Variants in SPIDR observed in about 807,000 individuals in gnomAD.
The protein encoded by SPIDR is scaffold protein involved in DNA repair.
Under a neutral mutation model 104.6 loss-of-function variants are expected in SPIDR, and 93 were observed. That is an observed-to-expected ratio of 0.89 (90% confidence interval 0.75 to 1.06). SPIDR has a LOEUF of 1.06. Among genes scored for constraint, SPIDR ranks in the 50% least tolerant of loss-of-function variants. The pLI is 0.00. For missense variants in SPIDR, 1,154 were observed against 1,111.2 expected (o/e 1.04, Z -0.55); for synonymous variants, 431 against 416.9 (o/e 1.03, Z -0.41).
chr8:47,598,881 CTTG>C, intron 9 of SPIDR, 62 bp from the exon 10 acceptor site: 1 of 1,597,838 alleles, frequency 6.3e-7, no homozygotes, highest in Non-Finnish European at 8.5e-7. Flanking sequence ...CAGCATGTTG[CTTG>C]TTGTTAGCCG....
chr8:47,670,215 C>T (rs913516986), intron 10 of SPIDR, among the ~76,000 whole-genome samples: 5 of 152,018 alleles, frequency 3.3e-5, no homozygotes, highest in African/African-American at 9.7e-5. Flanking sequence ...TTGGCCTGGA[C>T]TTCCCTATTT....
chr8:47,276,298 G>T (rs1318557696), intron 1 of SPIDR, among the ~76,000 whole-genome samples: 2 of 152,186 alleles, frequency 1.3e-5, no homozygotes, highest in African/African-American at 4.8e-5. Flanking sequence ...TATGACCAAA[G>T]AAAAGCAGTA....
At chr8:47,506,282 C>T (rs949249192) in intron 8 of SPIDR, among the ~76,000 whole-genome samples, 1 of 152,154 alleles carries the variant, frequency 6.6e-6, no homozygotes, top group African/African-American at 2.4e-5. Flanking sequence ...AACATAAACC[C>T]CCCTTACATT....
At chr8:47,719,008 G>A (rs774875280) in intron 16 of SPIDR, among the ~76,000 whole-genome samples, 4 of 152,164 alleles carry the variant, frequency 2.6e-5, no homozygotes, top group African/African-American at 4.8e-5. Context: ...GGTGAATACT[G>A]AGGTGAGGTG....
At chr8:47,354,973 G>A in intron 5 of SPIDR, among the ~76,000 whole-genome samples, 1 of 150,952 alleles carries the variant, frequency 6.6e-6, no homozygotes, top group East Asian at 2.0e-4. Flanking sequence ...TTCTTTTCTT[G>A]AGCTGGAGTT....
chr8:47,624,281 G>A (rs901603889), intron 10 of SPIDR, among the ~76,000 whole-genome samples: 1 of 152,198 alleles, frequency 6.6e-6, no homozygotes, highest in Admixed American at 6.5e-5. Context: ...ACAACACAAA[G>A]CAGGAAAGAT....
chr8:47,489,867 A>T (rs868988831), intron 8 of SPIDR, among the ~76,000 whole-genome samples: 1 of 152,230 alleles, frequency 6.6e-6, no homozygotes, highest in Non-Finnish European at 1.5e-5. Flanking sequence ...TGGATTAAAG[A>T]CTTAAATGTT....
intron 5 of SPIDR, among the ~76,000 whole-genome samples, chr8:47,355,022 C>A (rs1343873863): frequency 6.6e-6 from 1 of 151,944 alleles, no homozygotes; most frequent in African/African-American, 2.4e-5. Flanking sequence ...GTGAAGCGAT[C>A]TCGGCTCACT....
intron 10 of SPIDR, among the ~76,000 whole-genome samples, chr8:47,661,352 A>G (rs2074072866): frequency 6.6e-6 from 1 of 152,216 alleles, no homozygotes; most frequent in Non-Finnish European, 1.5e-5. Context: ...CCCACCAACC[A>G]TGCTCAGTGC....
chr8:47,667,635 G>T (rs1012931094), intron 10 of SPIDR: 8 of 152,004 alleles, frequency 5.3e-5, no homozygotes, highest in Non-Finnish European at 1.2e-4. Flanking sequence ...AATGTGAGTA[G>T]AAATTAATGA....
At chr8:47,424,564 C>G (rs1238993094) in intron 7 of SPIDR, among the ~76,000 whole-genome samples, 1 of 152,154 alleles carries the variant, frequency 6.6e-6, no homozygotes, top group African/African-American at 2.4e-5. Flanking sequence ...GGGAACCTCC[C>G]TTCTCAGTCT....
At chr8:47,554,861 A>G (rs745971371) in intron 8 of SPIDR, among the ~76,000 whole-genome samples, 35 of 152,190 alleles carry the variant, frequency 2.3e-4, no homozygotes, top group Non-Finnish European at 1.8e-4. Context: ...AGCTGTTCCT[A>G]TTCAGCCATC....
At chr8:47,608,052 G>T (rs1482197600) in intron 10 of SPIDR, among the ~76,000 whole-genome samples, 1 of 152,014 alleles carries the variant, frequency 6.6e-6, no homozygotes, top group African/African-American at 2.4e-5. Flanking sequence ...ACTATAATAC[G>T]ATATTAGAAC....
intron 7 of SPIDR, among the ~76,000 whole-genome samples, chr8:47,436,558 CA>C (rs1163509464): frequency 1.6e-4 from 24 of 151,996 alleles, no homozygotes; most frequent in Admixed American, 1.6e-3. Context: ...CCTGTCTCTA[CA>C]AAAAAATAAG....
At chr8:47,544,402 A>G (rs1348207654) in intron 8 of SPIDR, among the ~76,000 whole-genome samples, 1 of 152,108 alleles carries the variant, frequency 6.6e-6, no homozygotes, top group Non-Finnish European at 1.5e-5. Flanking sequence ...TTTTCCTTTT[A>G]TGAATTGTGT....
At chr8:47,659,415 AAAC>A (rs765712878) in intron 10 of SPIDR, among the ~76,000 whole-genome samples, 1 of 152,284 alleles carries the variant, frequency 6.6e-6, no homozygotes, top group East Asian at 1.9e-4. Flanking sequence ...AATGAATAAA[AAAC>A]ATTTCTGTGC....
chr8:47,516,335 T>TA (rs1188483228), intron 8 of SPIDR, among the ~76,000 whole-genome samples: 1 of 152,206 alleles, frequency 6.6e-6, no homozygotes, highest in Non-Finnish European at 1.5e-5. Context: ...TCAGTGGTAT[T>TA]AACTACAATC....
intron 5 of SPIDR, among the ~76,000 whole-genome samples, chr8:47,389,958 G>T (rs1312434685): frequency 3.9e-5 from 6 of 152,080 alleles, no homozygotes; most frequent in African/African-American, 1.5e-4. Flanking sequence ...CTCTCCTACT[G>T]GAGAAATGGT....
At chr8:47,425,021 A>G (rs529399298) in intron 7 of SPIDR, among the ~76,000 whole-genome samples, 10 of 152,334 alleles carry the variant, frequency 6.6e-5, no homozygotes, top group African/African-American at 2.4e-4. Context: ...GAAATTTAAG[A>G]TCACTTCCGT....
Sources: gnomAD v4.1 joint callset for allele counts (sites outside exome capture counted in the v4.1 genomes callset) on GRCh38, gnomAD v4.1.1 for gene constraint, MANE v1.5 for transcripts, NCBI Gene and HGNC (gene_info 2026-07-23, HGNC 2026-07-21) for gene names.